MDGA2: variants seen among roughly 807,000 people sequenced by gnomAD.
MDGA2 encodes MAM domain containing glycosylphosphatidylinositol anchor 2.
A neutral mutation model predicts 117.8 loss-of-function variants in MDGA2; 40 were observed. That is an observed-to-expected ratio of 0.34 (90% CI 0.26 to 0.44). The LOEUF (loss-of-function observed/expected upper bound fraction) is 0.44, where lower values mean the gene tolerates loss of function less well. Among genes scored for constraint, MDGA2 ranks in the 20% least tolerant of loss-of-function variants. The pLI is 1.00. For synonymous variants in MDGA2, 452 were observed against 439.0 expected (o/e 1.03, Z -0.37); for missense variants, 1,123 against 1,250.6 (o/e 0.90, Z 1.54).
At chr14:47,047,051 A>G (rs185530019) in intron 7 of MDGA2, among the ~76,000 whole-genome samples, 4 of 152,290 alleles carry the variant, frequency 2.6e-5, no homozygotes, top group African/African-American at 2.4e-5. Flanking sequence ...GCCTAGGACT[A>G]GGGGCAAGAC....
chr14:47,093,134 C>T (rs1879764473), intron 6 of MDGA2, among the ~76,000 whole-genome samples: 1 of 151,948 alleles, frequency 6.6e-6, no homozygotes, highest in African/African-American at 2.4e-5. Flanking sequence ...GCCACCTGTG[C>T]TCCATCTCCC....
At chr14:47,255,761 C>T (rs1368073123) in intron 2 of MDGA2, among the ~76,000 whole-genome samples, 2 of 151,850 alleles carry the variant, frequency 1.3e-5, no homozygotes, top group East Asian at 3.9e-4. Flanking sequence ...TTGGTCCTAC[C>T]CAATGCAGTT....
chr14:47,201,813 T>C (rs1409132951), intron 3 of MDGA2, among the ~76,000 whole-genome samples: 3 of 152,172 alleles, frequency 2.0e-5, no homozygotes, highest in African/African-American at 7.2e-5. Context: ...TTCCATCAAA[T>C]ATCCTCTCTG....
At chr14:47,545,196 T>A (rs552314638) in intron 1 of MDGA2, among the ~76,000 whole-genome samples, 2 of 152,256 alleles carry the variant, frequency 1.3e-5, no homozygotes, top group African/African-American at 2.4e-5. Context: ...TTAATACTTG[T>A]GCAAAAAAAG....
intron 1 of MDGA2, among the ~76,000 whole-genome samples, chr14:47,498,528 C>G (rs2138668153): frequency 6.6e-6 from 1 of 152,256 alleles, no homozygotes; most frequent in Admixed American, 6.5e-5. Flanking sequence ...CTCACAGTGT[C>G]TTTCCCATCA....
chr14:47,212,028 TAG>T, intron 3 of MDGA2, among the ~76,000 whole-genome samples: 1 of 149,794 alleles, frequency 6.7e-6, no homozygotes, highest in Non-Finnish European at 1.5e-5. Flanking sequence ...ATATTTTGAA[TAG>T]ACACTCAATG....
intron 2 of MDGA2, among the ~76,000 whole-genome samples, chr14:47,266,075 G>T (rs1459872890): frequency 1.3e-5 from 2 of 152,044 alleles, no homozygotes; most frequent in African/African-American, 2.4e-5. Context: ...GCAAAATAGG[G>T]AGGTACCTCT....
chr14:47,305,368 A>C (rs531281726), intron 1 of MDGA2: 4 of 152,120 alleles, frequency 2.6e-5, no homozygotes, highest in Non-Finnish European at 5.9e-5. Flanking sequence ...ATTGCATGAG[A>C]CTCATATTCA....
chr14:46,959,683 G>A (rs759834244), intron 8 of MDGA2, among the ~76,000 whole-genome samples: 2 of 151,858 alleles, frequency 1.3e-5, no homozygotes, highest in African/African-American at 4.8e-5. Flanking sequence ...CCTTCTTTTA[G>A]ATGGATGGAT....
chr14:47,158,154 C>A (rs193259535), intron 3 of MDGA2, among the ~76,000 whole-genome samples: 8 of 152,058 alleles, frequency 5.3e-5, no homozygotes, highest in African/African-American at 1.4e-4. Flanking sequence ...TTTAGATACA[C>A]AAATATATAT....
intron 1 of MDGA2, among the ~76,000 whole-genome samples, chr14:47,433,305 T>C (rs1480058375): frequency 6.6e-6 from 1 of 151,982 alleles, no homozygotes; most frequent in Non-Finnish European, 1.5e-5. Context: ...GTTTCTTGGC[T>C]AGGATCGTCT....
At chr14:46,958,755 G>C (rs940167280) in intron 8 of MDGA2, among the ~76,000 whole-genome samples, 1 of 152,176 alleles carries the variant, frequency 6.6e-6, no homozygotes, top group African/African-American at 2.4e-5. Context: ...TATGGGTAAT[G>C]TTTTATTTTC....
In MDGA2 at chr14:46,882,051, T is replaced by C; in HGVS notation, c.2409A>G (p.Lys803=). ...GEGDSTIRVI[K]YSAPVNPHLR... is the part of the protein sequence containing the mutation. ...AAATGAAAGGCTACTTACCACTATA[T>C]TTGATCACACGAATTGTTGAATCTC... The change falls in exon 11 of 17, where the codon AAA becomes AAG. Residue 803 remains lysine, a synonymous_variant. Coordinates refer to ENST00000399232, the MANE Select transcript of MDGA2 (RefSeq NM_001113498.3). The C allele has an allele frequency of 6.2e-7, 1 of 1,601,552 alleles. No homozygotes were observed. Among genetic ancestry groups the C allele is most frequent in the Non-Finnish European group, 8.5e-7 (1 of 1,172,794 alleles).
chr14:47,578,547 G>T (rs753278335), intron 1 of MDGA2, among the ~76,000 whole-genome samples: 29 of 152,050 alleles, frequency 1.9e-4, no homozygotes, highest in Non-Finnish European at 4.1e-4. Flanking sequence ...CCCCAGCCAA[G>T]CAATGACGAT....
At chr14:47,408,194 T>G (rs934203009) in intron 1 of MDGA2, among the ~76,000 whole-genome samples, 3 of 151,418 alleles carry the variant, frequency 2.0e-5, no homozygotes, top group Non-Finnish European at 2.9e-5. Context: ...TAGCTGGGAC[T>G]ACAGATGTGC....
chr14:47,012,095 T>C (rs919715793), intron 8 of MDGA2, among the ~76,000 whole-genome samples: 2 of 152,188 alleles, frequency 1.3e-5, no homozygotes, highest in East Asian at 3.9e-4. Context: ...TTAATTAAAA[T>C]AGTGTATGAT....
chr14:47,627,874 C>T (rs1182860147), intron 1 of MDGA2, among the ~76,000 whole-genome samples: 1 of 152,184 alleles, frequency 6.6e-6, no homozygotes, highest in Non-Finnish European at 1.5e-5. Context: ...GCCAGCAAGA[C>T]CACGAACCCA....
chr14:47,381,859 T>G (rs921502638), intron 1 of MDGA2, among the ~76,000 whole-genome samples: 5 of 152,132 alleles, frequency 3.3e-5, no homozygotes, highest in African/African-American at 4.8e-5. Flanking sequence ...TGGAAAAAAC[T>G]ACTTTAAAAT....
At chr14:46,902,950 G>A (rs367620667) in intron 10 of MDGA2, among the ~76,000 whole-genome samples, 2 of 152,072 alleles carry the variant, frequency 1.3e-5, no homozygotes, top group African/African-American at 4.8e-5. Flanking sequence ...AGGCAAAAAG[G>A]GGGAGGGCCC....
Sources: allele counts gnomAD v4.1 joint callset (sites outside exome capture counted in the v4.1 genomes callset), GRCh38; gene constraint gnomAD v4.1.1; transcripts MANE v1.5; gene names NCBI Gene and HGNC (gene_info 2026-07-23, HGNC 2026-07-21).